Variants in KLHL22 observed in about 807,000 individuals in gnomAD.
KLHL22 encodes the protein kelch-like protein 22.
In KLHL22, 18 loss-of-function variants were observed where a neutral mutation model predicts 60.7. The observed-to-expected ratio is 0.30, with a 90% CI of 0.20 to 0.44. The LOEUF (loss-of-function observed/expected upper bound fraction) is 0.44. Among genes scored for constraint, KLHL22 ranks in the 20% least tolerant of loss-of-function variants. The pLI is 1.00. For missense variants in KLHL22, 596 were observed against 852.3 expected (o/e 0.70, Z 3.74); for synonymous variants, 355 against 354.5 (o/e 1.00, Z -0.01).
At chr22:20,448,207 A>AC (rs1232251518) in intron 5 of KLHL22, among the ~76,000 whole-genome samples, 1 of 152,322 alleles carries the variant, frequency 6.6e-6, no homozygotes, top group Admixed American at 6.5e-5. Context: ...CCCAGGTTCT[A>AC]CCAGGTTGTT....
At chr22:20,458,063 C>G (rs1443246248) in intron 4 of KLHL22, 63 bp from the exon 5 acceptor site, 1 of 1,564,590 alleles carries the variant, frequency 6.4e-7, no homozygotes, top group East Asian at 2.3e-5. Flanking sequence ...CGCAGGCTTG[C>G]ACCTCTTGTT....
chr22:20,456,389 C>T (rs1197172152), intron 5 of KLHL22: 1 of 152,224 alleles, frequency 6.6e-6, no homozygotes, highest in Non-Finnish European at 1.5e-5. Context: ...CATGAAGGAA[C>T]ACCGGCAGCC....
At chr22:20,487,288 G>A (rs1165373590) in intron 2 of KLHL22, among the ~76,000 whole-genome samples, 1 of 151,644 alleles carries the variant, frequency 6.6e-6, no homozygotes, top group Non-Finnish European at 1.5e-5. Context: ...CACAATCTCG[G>A]CTCACTGCAA....
chr22:20,492,595 T>C (rs1430444817), intron 1 of KLHL22, among the ~76,000 whole-genome samples: 4 of 130,124 alleles, frequency 3.1e-5, no homozygotes, highest in African/African-American at 5.3e-5. Context: ...AAACCTGCCC[T>C]TTTTTTTTTT....
intron 3 of KLHL22, among the ~76,000 whole-genome samples, chr22:20,466,347 C>G (rs572860172): frequency 1.3e-3 from 189 of 142,976 alleles, no homozygotes; most frequent in African/African-American, 4.8e-3. Context: ...GCACTCCAAC[C>G]TGGGTGACAG....
chr22:20,473,003 G>C (rs530192160), intron 2 of KLHL22, among the ~76,000 whole-genome samples: 2 of 152,308 alleles, frequency 1.3e-5, no homozygotes, highest in Admixed American at 1.3e-4. Context: ...AAGTGGGATG[G>C]GCAGGCAGGC....
At chr22:20,479,352 T>C (rs1021852284) in intron 2 of KLHL22, among the ~76,000 whole-genome samples, 8 of 152,094 alleles carry the variant, frequency 5.3e-5, no homozygotes, top group African/African-American at 1.9e-4. Flanking sequence ...TCACACCTCA[T>C]ATCCATTAGG....
chr22:20,484,561 C>T (rs1449234707), intron 2 of KLHL22, among the ~76,000 whole-genome samples: 3 of 152,028 alleles, frequency 2.0e-5, no homozygotes, highest in Non-Finnish European at 4.4e-5. Flanking sequence ...ACCCATTGTG[C>T]TGGGATTACA....
intron 2 of KLHL22, among the ~76,000 whole-genome samples, chr22:20,472,555 G>A (rs960533427): frequency 2.6e-5 from 4 of 152,106 alleles, no homozygotes; most frequent in Non-Finnish European, 4.4e-5. Flanking sequence ...GTGAAACCCC[G>A]TCTCTACTAA....
intron 4 of KLHL22, among the ~76,000 whole-genome samples, chr22:20,462,770 T>C (rs1325086763): frequency 6.6e-6 from 1 of 152,000 alleles, no homozygotes; most frequent in Non-Finnish European, 1.5e-5. Context: ...ATGGGAAAGG[T>C]ACAAGGAATG....
chr22:20,456,335 A>G (rs1450353059), intron 5 of KLHL22: 1 of 152,230 alleles, frequency 6.6e-6, no homozygotes, highest in African/African-American at 2.4e-5. Flanking sequence ...CTGGATTCCC[A>G]GGACTTGGTA....
chr22:20,483,540 A>C, intron 2 of KLHL22: 1 of 725,140 alleles, frequency 1.4e-6, no homozygotes, highest in East Asian at 2.6e-5. Flanking sequence ...TGGTGTCATC[A>C]ATCACTTTGC....
At chr22:20,443,308 A>G (rs1054773413) in intron 6 of KLHL22, among the ~76,000 whole-genome samples, 2 of 152,146 alleles carry the variant, frequency 1.3e-5, no homozygotes, top group Non-Finnish European at 2.9e-5. Flanking sequence ...TGCTACCTTA[A>G]GCAGCCAAAG....
Position 20,465,640 on chromosome 22 carries a change from GAAT to G in KLHL22, c.394-67_394-65del, listed in dbSNP as rs1300124464. The G allele has an allele frequency of 1.2e-6, 1 of 842,590 alleles. No individual in the cohort carries two copies. The highest frequency in any genetic ancestry group is 2.1e-6 in the Non-Finnish European group (1 of 478,666). The allele number at this position is 842,590 out of a possible 1,614,324, so 52.2% of individuals were successfully genotyped here. ...GAACAGCATCTGGGGGTGGGAGAGA[GAAT>G]GATGGCAGAAATACGGGCTGTTGTG... is the stretch of plus-strand genomic sequence containing the variant. On this transcript the variant is annotated intron_variant, in intron 3 of 6. Coordinates refer to ENST00000328879, the MANE Select transcript of KLHL22 (RefSeq NM_032775.4). This position sits in a 1 kb window ranked among gnomAD's most constrained non-coding sequence, Gnocchi z 4.9.
intron 4 of KLHL22, 123 bp from the exon 5 acceptor site, chr22:20,458,123 AC>A: frequency 1.0e-6 from 1 of 966,346 alleles, no homozygotes; most frequent in Non-Finnish European, 1.5e-6. Flanking sequence ...CTCCCCAACT[AC>A]CCCACATACC....
intron 3 of KLHL22, among the ~76,000 whole-genome samples, chr22:20,468,421 G>C (rs1168549525): frequency 1.3e-5 from 2 of 152,310 alleles, no homozygotes; most frequent in East Asian, 3.9e-4. Flanking sequence ...AGCCCCATAC[G>C]AGGCTCACAG....
At chr22:20,489,662 T>C (rs2053650268) in intron 1 of KLHL22, 11 of 469,584 alleles carry the variant, frequency 2.3e-5, no homozygotes, top group South Asian at 1.6e-4. Flanking sequence ...ACAATGAACA[T>C]GAAGCATAAG....
At chr22:20,493,973 G>A (rs560837991) in intron 1 of KLHL22, among the ~76,000 whole-genome samples, 2 of 152,214 alleles carry the variant, frequency 1.3e-5, no homozygotes, top group East Asian at 3.9e-4. Context: ...TGAGGAAGGG[G>A]GAAGCTGAGG....
intron 3 of KLHL22, among the ~76,000 whole-genome samples, chr22:20,468,076 C>T (rs1054546018): frequency 6.6e-6 from 1 of 151,442 alleles, no homozygotes; most frequent in African/African-American, 2.4e-5. Flanking sequence ...AAATGTCAGG[C>T]AGGTATGTGC....
Sources: allele counts gnomAD v4.1 joint callset (sites outside exome capture counted in the v4.1 genomes callset), GRCh38; gene constraint gnomAD v4.1.1; non-coding constraint Gnocchi (gnomAD v3.1); transcripts MANE v1.5; gene names NCBI Gene and HGNC (gene_info 2026-07-23, HGNC 2026-07-21).